Variants in XDH observed in about 807,000 individuals in gnomAD.
XDH encodes xanthine dehydrogenase, also known as xanthine dehydrogenase/oxidase.
XDH carries 138 observed loss-of-function variants against 156.1 expected under a neutral mutation model. The observed-to-expected ratio is 0.88, with a 90% CI of 0.77 to 1.02. The LOEUF (loss-of-function observed/expected upper bound fraction) is 1.02, where lower values mean the gene tolerates loss of function less well. Among genes scored for constraint, XDH ranks in the 50% least tolerant of loss-of-function variants. The pLI, the probability that XDH is intolerant of heterozygous loss-of-function variation, is 0.00. For synonymous variants in XDH, 669 were observed against 625.7 expected, an observed-to-expected ratio of 1.07 and a Z score of -1.03; for missense variants, 1,849 against 1,684.9, an observed-to-expected ratio of 1.10 and a Z score of -1.71.
Position 31,383,743 on chromosome 2 carries a change from A to G in XDH, c.886+12T>C, listed in dbSNP as rs903852645. 6.2e-7 allele frequency: 1 copy of G among 1,612,594 alleles called. No homozygotes were observed. The highest frequency in any genetic ancestry group is 1.1e-5 in the South Asian group (1 of 90,524). On this transcript the variant is annotated intron_variant, in intron 10 of 35. Coordinates refer to ENST00000379416, the MANE Select transcript of XDH (RefSeq NM_000379.4). ...CAGCCCCTCCATAAGCTTGGAGTGA[A>G]CCTCCTCTTACCGTCGGGTCCATGT...
At chr2:31,371,262 C>G (rs1407311162) in intron 17 of XDH, among the ~76,000 whole-genome samples, 1 of 152,208 alleles carries the variant, frequency 6.6e-6, no homozygotes, top group Non-Finnish European at 1.5e-5. Flanking sequence ...CCCTGAAGTT[C>G]TAACCATCTT....
intron 4 of XDH, among the ~76,000 whole-genome samples, chr2:31,400,396 G>A (rs1158838232): frequency 2.6e-5 from 4 of 151,898 alleles, no homozygotes; most frequent in African/African-American, 4.8e-5. Context: ...CCGCCACTCC[G>A]CCTGGCTAAT....
intron 24 of XDH, among the ~76,000 whole-genome samples, chr2:31,353,052 C>T (rs1685525951): frequency 6.7e-6 from 1 of 149,434 alleles, no homozygotes; most frequent in Non-Finnish European, 1.5e-5. Context: ...AAACAAGAAT[C>T]TATACATACG....
chr2:31,384,014 G>A (rs1293214054), intron 9 of XDH, 167 bp from the exon 10 acceptor site: 2 of 702,266 alleles, frequency 2.8e-6, no homozygotes, highest in African/African-American at 3.5e-5. Flanking sequence ...GTAGACCAGG[G>A]GTGGGATTAG....
chr2:31,353,389 A>ACTTT (rs1685539528), intron 24 of XDH, among the ~76,000 whole-genome samples: 1 of 152,172 alleles, frequency 6.6e-6, no homozygotes, highest in Non-Finnish European at 1.5e-5. Context: ...ATATACAGAG[A>ACTTT]CTTTCACTTC....
rs372575394 is a variant in XDH, at chr2:31,341,686, C to T, written c.3520-292G>A. 1.6e-4 allele frequency among the ~76,000 whole-genome samples: 24 copies of T among 152,242 alleles called. No individual in the cohort carries two copies. In the South Asian group the frequency reaches 4.8e-3, roughly 30 times the overall value. ...ATACGTGAGTAGTCAGATAGGGTCC[C>T]AGAAACCTGGGGCTTTGAATCTGAG... On this transcript the variant is annotated intron_variant, in intron 32 of 35. Coordinates refer to ENST00000379416, the MANE Select transcript of XDH (RefSeq NM_000379.4).
chr2:31,365,695 A>C lies in XDH; in HGVS notation c.2457-151T>G, dbSNP rs1429376. On this transcript the variant is annotated intron_variant, in intron 22 of 35. Coordinates refer to ENST00000379416, the MANE Select transcript of XDH (RefSeq NM_000379.4). ...GCTGCTTTGCCATCTAGGCACTGTG[A>C]TAGACAAGGTGGAGAATATAAGGAA... 733,879 of 980,700 alleles carry C rather than the reference A, an allele frequency of 0.75. 276,477 individuals carry two copies. The highest frequency in any genetic ancestry group is 0.85 in the East Asian group (33,394 of 39,320). The allele number at this position is 980,700 out of a possible 1,614,324, so 60.7% of individuals were successfully genotyped here.
intron 18 of XDH, among the ~76,000 whole-genome samples, chr2:31,369,672 A>AGTAT (rs1686019996): frequency 6.6e-6 from 1 of 152,224 alleles, no homozygotes; most frequent in Admixed American, 6.5e-5. Context: ...AAGCTCTTAA[A>AGTAT]GTATGTAAAG....
At chr2:31,346,878 A>C (rs1685311665) in intron 29 of XDH, 35 bp from the exon 30 acceptor site, 12 of 1,613,316 alleles carry the variant, frequency 7.4e-6, no homozygotes, top group African/African-American at 1.3e-5. Flanking sequence ...CAGACACATC[A>C]GTCCTCTGCA....
chr2:31,413,261 G>A (rs1048384773), intron 1 of XDH, among the ~76,000 whole-genome samples: 2 of 152,192 alleles, frequency 1.3e-5, no homozygotes, highest in Admixed American at 6.5e-5. Flanking sequence ...AAAGCCAATT[G>A]CACAATGGTT....
chr2:31,405,408 C>A (rs1687167220), intron 2 of XDH, among the ~76,000 whole-genome samples: 1 of 152,180 alleles, frequency 6.6e-6, no homozygotes, highest in Non-Finnish European at 1.5e-5. Context: ...TCCCCCCACC[C>A]TCCAGGGCTC....
At chr2:31,341,043 T>C (rs966055795) in intron 33 of XDH, among the ~76,000 whole-genome samples, 6 of 152,190 alleles carry the variant, frequency 3.9e-5, no homozygotes, top group African/African-American at 1.4e-4. Flanking sequence ...TCAAATTGGG[T>C]GTGTGTGCAT....
At position 31,368,415 on chromosome 2, in the gene XDH, G is replaced by A. The variant is rs1178701192; in HGVS notation, c.2100+126C>T. The A allele has an allele frequency of 3.2e-6, 4 of 1,257,832 alleles. No individual in the cohort carries two copies. The African/African-American group carries it at 4.4e-5, about 14-fold the overall frequency. 77.9% of individuals were successfully genotyped at this position (1,257,832 alleles called of 1,614,324 possible). A position where few individuals can be genotyped will look rare whatever the true frequency, so the allele number is the denominator to read the frequency against. ...GGGACCCCAAATCCCAGGGTTGAAA[G>A]GGATTTAAAAACCCATCTAGTCAAA... On this transcript the variant is annotated intron_variant, in intron 19 of 35. Coordinates refer to ENST00000379416, the MANE Select transcript of XDH (RefSeq NM_000379.4).
intron 24 of XDH, among the ~76,000 whole-genome samples, chr2:31,357,306 C>T (rs1334563622): frequency 6.6e-6 from 1 of 152,032 alleles, no homozygotes; most frequent in South Asian, 2.1e-4. Flanking sequence ...GAAACAAAAA[C>T]CCGGGTCTTT....
chr2:31,348,152 C>G, intron 28 of XDH, 116 bp downstream of exon 28: 1 of 1,036,226 alleles, frequency 9.7e-7, no homozygotes, highest in Non-Finnish European at 1.5e-6. Context: ...CGGACATAAG[C>G]AACAGGGCCA....
At position 31,335,396 on chromosome 2, in the gene XDH, C is replaced by A. The variant is rs552257268; in HGVS notation, c.*562G>T. The A allele has an allele frequency of 1.8e-5, 3 of 163,660 alleles. No individual in the cohort carries two copies. In the East Asian group the frequency reaches 5.1e-4, roughly 28 times the overall value. 10.1% of individuals were successfully genotyped at this position (163,660 alleles called of 1,614,324 possible). On this transcript the variant is annotated 3_prime_UTR_variant, in exon 36 of 36. Transcript: ENST00000379416. ...GCTTCACAAAATCAGATCCAATTAA[C>A]CTTGAATTTGTTTCATTCTTTATTC...
At chr2:31,367,831 G>GT (rs1285357476) in intron 20 of XDH, 130 bp downstream of exon 20, 42 of 912,450 alleles carry the variant, frequency 4.6e-5, no homozygotes, top group Non-Finnish European at 6.8e-5. Flanking sequence ...TGCTACAAAC[G>GT]TAAGAGGGAA....
intron 24 of XDH, among the ~76,000 whole-genome samples, chr2:31,360,877 T>C (rs1357517180): frequency 1.3e-5 from 2 of 152,204 alleles, no homozygotes; most frequent in Non-Finnish European, 2.9e-5. Context: ...TTCAGTACTA[T>C]CTGATGTTTC....
intron 30 of XDH, among the ~76,000 whole-genome samples, chr2:31,345,870 G>C (rs1447450766): frequency 6.6e-6 from 1 of 152,158 alleles, no homozygotes; most frequent in Non-Finnish European, 1.5e-5. Flanking sequence ...TTGTTGTCGG[G>C]ACTGTTGTTA....
Sources: gnomAD v4.1 joint callset for allele counts (sites outside exome capture counted in the v4.1 genomes callset) on GRCh38, gnomAD v4.1.1 for gene constraint, MANE v1.5 for transcripts, NCBI Gene and HGNC (gene_info 2026-07-23, HGNC 2026-07-21) for gene names.